The following SMAP1 variants were observed in gnomAD, a reference collection of about 807,000 sequenced individuals.
SMAP1 encodes the protein small ArfGAP 1.
Under a neutral mutation model 58.5 loss-of-function variants are expected in SMAP1, and 24 were observed. The ratio of observed to expected loss-of-function variants is 0.41; its 90% CI spans 0.30 to 0.58. SMAP1 has a LOEUF of 0.58. SMAP1 is among the 20% of genes least tolerant of loss of function. SMAP1 has a pLI of 0.29. For missense variants in SMAP1, 563 were observed against 566.3 expected, an observed-to-expected ratio of 0.99 and a Z score of 0.06; for synonymous variants, 216 against 196.6, an observed-to-expected ratio of 1.10 and a Z score of -0.82.
intron 3 of SMAP1, among the ~76,000 whole-genome samples, chr6:70,771,844 G>A (rs1308584057): frequency 2.6e-5 from 4 of 152,130 alleles, no homozygotes; most frequent in East Asian, 3.9e-4. Flanking sequence ...CTTCTGCGTC[G>A]CTCACGCTGG....
At chr6:70,671,629 G>C (rs1007595803) in intron 1 of SMAP1, among the ~76,000 whole-genome samples, 1 of 152,056 alleles carries the variant, frequency 6.6e-6, no homozygotes, top group Admixed American at 6.5e-5. Flanking sequence ...CACATTGAGC[G>C]GTTTCTTCCC....
At chr6:70,838,646 C>T (rs970147844) in intron 7 of SMAP1, among the ~76,000 whole-genome samples, 1 of 151,766 alleles carries the variant, frequency 6.6e-6, no homozygotes, top group African/African-American at 2.4e-5. Flanking sequence ...TCAGTAGGAG[C>T]CTACTTGAAG....
chr6:70,702,628 T>C (rs1393307801), intron 1 of SMAP1, among the ~76,000 whole-genome samples: 2 of 151,684 alleles, frequency 1.3e-5, no homozygotes, highest in African/African-American at 2.4e-5. Flanking sequence ...TCTTTCTTCT[T>C]CTTCTTCTTC....
intron 1 of SMAP1, chr6:70,694,313 T>C (rs1767309687): frequency 5.9e-6 from 1 of 168,408 alleles, no homozygotes; most frequent in African/African-American, 2.4e-5. Context: ...CAGATCAGAT[T>C]ATATCTTGAT....
At chr6:70,710,360 A>G (rs979369518) in intron 1 of SMAP1, among the ~76,000 whole-genome samples, 2 of 151,852 alleles carry the variant, frequency 1.3e-5, no homozygotes, top group African/African-American at 4.8e-5. Context: ...ACATGGTGGC[A>G]TGCACCCGTA....
intron 8 of SMAP1, among the ~76,000 whole-genome samples, chr6:70,856,425 T>C (rs1771424414): frequency 1.6e-4 from 24 of 152,210 alleles, no homozygotes; most frequent in Admixed American, 1.6e-3. Flanking sequence ...TTTGAAAAGA[T>C]AAAACCTTTT....
intron 3 of SMAP1, among the ~76,000 whole-genome samples, chr6:70,768,642 T>C (rs539387970): frequency 1.3e-5 from 2 of 152,342 alleles, no homozygotes; most frequent in Non-Finnish European, 2.9e-5. Flanking sequence ...CTTCTCTCTT[T>C]TCTTGTTTAT....
At chr6:70,757,045 G>A (rs886139133) in intron 3 of SMAP1, among the ~76,000 whole-genome samples, 11 of 152,316 alleles carry the variant, frequency 7.2e-5, no homozygotes, top group African/African-American at 2.4e-4. Context: ...AACCAAAAAA[G>A]AGCCGGCATT....
At chr6:70,798,881 C>A in intron 6 of SMAP1, 144 bp downstream of exon 6, 1 of 651,750 alleles carries the variant, frequency 1.5e-6, no homozygotes, top group Non-Finnish European at 2.5e-6. Context: ...GTGTGCTCAG[C>A]ATGTCCTTCT....
At chr6:70,696,950 A>G (rs1207755035) in intron 1 of SMAP1, among the ~76,000 whole-genome samples, 1 of 152,196 alleles carries the variant, frequency 6.6e-6, no homozygotes, top group African/African-American at 2.4e-5. Context: ...TACAATTGTT[A>G]TATCATCTTG....
intron 7 of SMAP1, among the ~76,000 whole-genome samples, chr6:70,844,783 G>A (rs1770926438): frequency 6.6e-6 from 1 of 152,196 alleles, no homozygotes; most frequent in Admixed American, 6.5e-5. Context: ...ATCAAGTCTT[G>A]TGTTTTAATA....
chr6:70,859,341 G>C, intron 10 of SMAP1: 1 of 1,548,666 alleles, frequency 6.5e-7, no homozygotes, highest in Non-Finnish European at 8.7e-7. Context: ...AATGCAGAAG[G>C]GTGATGCTGT....
At chr6:70,730,508 CAG>C (rs1554194602) in intron 1 of SMAP1, among the ~76,000 whole-genome samples, 3 of 152,202 alleles carry the variant, frequency 2.0e-5, no homozygotes, top group Non-Finnish European at 4.4e-5. Context: ...AATGATGAGA[CAG>C]AGTGGAAAGT....
chr6:70,794,938 A>G (rs905235850), intron 5 of SMAP1, among the ~76,000 whole-genome samples: 1 of 151,768 alleles, frequency 6.6e-6, no homozygotes, highest in African/African-American at 2.4e-5. Flanking sequence ...GCAGGTGCCC[A>G]TGACCACACC....
intron 10 of SMAP1, chr6:70,858,491 G>A (rs574885848): frequency 1.6e-5 from 5 of 307,116 alleles, no homozygotes; most frequent in Admixed American, 4.7e-5. Flanking sequence ...TAATGTAACT[G>A]TAACGTGAAC....
At chr6:70,767,051 A>G (rs1767021338) in intron 3 of SMAP1, among the ~76,000 whole-genome samples, 1 of 152,076 alleles carries the variant, frequency 6.6e-6, no homozygotes, top group South Asian at 2.1e-4. Context: ...AAGATCAGAT[A>G]GTTGTAGATA....
intron 1 of SMAP1, among the ~76,000 whole-genome samples, chr6:70,692,323 A>G (rs1767204153): frequency 6.6e-6 from 1 of 152,176 alleles, no homozygotes; most frequent in Non-Finnish European, 1.5e-5. Context: ...CTCATTATAT[A>G]TTCTGGTTAT....
At chr6:70,824,490 T>C (rs889253186) in intron 6 of SMAP1, among the ~76,000 whole-genome samples, 1 of 152,126 alleles carries the variant, frequency 6.6e-6, no homozygotes, top group Non-Finnish European at 1.5e-5. Flanking sequence ...TCTGTACTTA[T>C]GAAGGTATGT....
chr6:70,682,484 C>T (rs1490706728), intron 1 of SMAP1, among the ~76,000 whole-genome samples: 8 of 151,994 alleles, frequency 5.3e-5, no homozygotes, highest in Admixed American at 1.3e-4. Context: ...CCACCACGCC[C>T]GGCCCTCTGC....
Sources: allele counts gnomAD v4.1 joint callset (sites outside exome capture counted in the v4.1 genomes callset), GRCh38; gene constraint gnomAD v4.1.1; transcripts MANE v1.5; gene names NCBI Gene and HGNC (gene_info 2026-07-23, HGNC 2026-07-21).